ZNF469: variants seen among roughly 807,000 people sequenced by gnomAD.
The protein encoded by ZNF469 is zinc finger protein 469.
ZNF469 carries 1 observed loss-of-function variant against 1.0 expected under a neutral mutation model. The ratio of observed to expected loss-of-function variants is 1.00; its 90% confidence interval spans 0.35 to 4.73. ZNF469 has a LOEUF of 4.73. Ranked by LOEUF, ZNF469 falls within the 30% of genes most tolerant of loss-of-function variation. The pLI is 0.16. For missense variants in ZNF469, 6,100 were observed against 5,356.3 expected, an observed-to-expected ratio of 1.14 and a Z score of -4.33; for synonymous variants, 2,703 against 2,363.4, an observed-to-expected ratio of 1.14 and a Z score of -4.17.
the ZNF469 span, among the ~76,000 whole-genome samples, chr16:88,131,960 C>T: frequency 5.1e-4 from 78 of 152,372 alleles, no homozygotes; most frequent in Middle Eastern, 6.8e-3. Flanking sequence ...CTGCCCGGCC[C>T]GCGCATCTCC....
At chr16:88,234,279 C>G in the ZNF469 span, among the ~76,000 whole-genome samples, 1 of 152,208 alleles carries the variant, frequency 6.6e-6, no homozygotes, top group Non-Finnish European at 1.5e-5. Context: ...CTTGAGTGAG[C>G]TGAAGGATTT....
chr16:88,223,823 G>A, the ZNF469 span, among the ~76,000 whole-genome samples: 6 of 152,306 alleles, frequency 3.9e-5, no homozygotes, highest in South Asian at 2.1e-4. Flanking sequence ...CCTCTGGGCC[G>A]CCCGCCCCCT....
At chr16:88,258,292 T>C in the ZNF469 span, among the ~76,000 whole-genome samples, 1 of 152,186 alleles carries the variant, frequency 6.6e-6, no homozygotes, top group African/African-American at 2.4e-5. Context: ...AATTACTGTG[T>C]CACAGAGGAA....
chr16:88,344,233 A>G, the ZNF469 span, among the ~76,000 whole-genome samples: 2 of 136,348 alleles, frequency 1.5e-5, no homozygotes, highest in African/African-American at 2.7e-5. Context: ...GGGCAGAGAA[A>G]GGGCATGGGG....
At chr16:88,153,887 C>T in the ZNF469 span, among the ~76,000 whole-genome samples, 2 of 152,140 alleles carry the variant, frequency 1.3e-5, no homozygotes, top group African/African-American at 4.8e-5. Flanking sequence ...CCTCCTCTCC[C>T]TAGGGGGCAC....
chr16:88,223,625 C>A, the ZNF469 span, among the ~76,000 whole-genome samples: 4 of 152,276 alleles, frequency 2.6e-5, no homozygotes, highest in African/African-American at 9.6e-5. Flanking sequence ...GATGCCTCGA[C>A]CCTGGTGCCT....
the ZNF469 span, among the ~76,000 whole-genome samples, chr16:88,177,009 G>A: frequency 1.3e-5 from 2 of 152,258 alleles, no homozygotes; most frequent in Non-Finnish European, 2.9e-5. This position sits in a 1 kb window ranked among gnomAD's most constrained non-coding sequence, Gnocchi z 4.8. Flanking sequence ...GCTTTTCCCA[G>A]GTCATAGAAA....
chr16:88,280,233 C>T, the ZNF469 span, among the ~76,000 whole-genome samples: 1 of 150,984 alleles, frequency 6.6e-6, no homozygotes, highest in Non-Finnish European at 1.5e-5. Flanking sequence ...TACTGCACCA[C>T]CCTGACGCTC....
At chr16:88,170,128 T>G in the ZNF469 span, among the ~76,000 whole-genome samples, 4 of 152,214 alleles carry the variant, frequency 2.6e-5, no homozygotes, top group African/African-American at 9.6e-5. This position sits in a 1 kb window ranked among gnomAD's most constrained non-coding sequence, Gnocchi z 4.2. Flanking sequence ...TTCCTATCAC[T>G]GTGTTTCTTT....
chr16:88,286,518 A>C, the ZNF469 span, among the ~76,000 whole-genome samples: 1 of 152,242 alleles, frequency 6.6e-6, no homozygotes, highest in African/African-American at 2.4e-5. Flanking sequence ...CTGGCTGCTG[A>C]TCTGAGCCAC....
chr16:88,366,890 G>A, the ZNF469 span, among the ~76,000 whole-genome samples: 1 of 150,908 alleles, frequency 6.6e-6, no homozygotes, highest in Admixed American at 6.6e-5. Context: ...CATCATCACC[G>A]TCATCATCAC....
chr16:88,269,469 C>A, the ZNF469 span, among the ~76,000 whole-genome samples: 7 of 152,054 alleles, frequency 4.6e-5, no homozygotes, highest in African/African-American at 1.7e-4. Flanking sequence ...TTTTCTTTTT[C>A]TTTTCTTTTT....
upstream of ZNF469, among the ~76,000 whole-genome samples, chr16:88,380,675 GACATGCATTCACAC>G (rs1245641772): frequency 1.0e-5 from 1 of 98,122 alleles, no homozygotes; most frequent in Non-Finnish European, 2.0e-5. Flanking sequence ...CCTCACACAA[GACATGCATTCACAC>G]ACATGCACTC....
At chr16:88,364,404 T>A in the ZNF469 span, among the ~76,000 whole-genome samples, 2 of 150,912 alleles carry the variant, frequency 1.3e-5, no homozygotes, top group Non-Finnish European at 2.9e-5. Flanking sequence ...CCTTCCAGCA[T>A]GTTCTTCCTT....
At chr16:88,228,899 A>C in the ZNF469 span, among the ~76,000 whole-genome samples, 1 of 152,234 alleles carries the variant, frequency 6.6e-6, no homozygotes, top group East Asian at 1.9e-4. Flanking sequence ...GGGTCTGGTG[A>C]GGCAATGTGG....
chr16:88,249,417 C>CT, the ZNF469 span, among the ~76,000 whole-genome samples: 20 of 92,960 alleles, frequency 2.2e-4, no homozygotes, highest in Non-Finnish European at 2.8e-4. Context: ...CTTTTTCTTT[C>CT]TTTTTCTTTT....
At chr16:88,422,306 G>A (rs1028202784) in intron 1 of ZNF469, among the ~76,000 whole-genome samples, 35 of 22,856 alleles carry the variant, frequency 1.5e-3, no homozygotes, top group East Asian at 5.2e-3. Flanking sequence ...GGATGAGTGG[G>A]TGGATAGATG....
At position 88,427,843 on chromosome 16, in the gene ZNF469, G is replaced by A. The variant is rs1457566712; in HGVS notation, c.373G>A (p.Ala125Thr). 9.7e-6 allele frequency: 15 copies of A among 1,548,850 alleles called. No individual in the cohort carries two copies. Among genetic ancestry groups the A allele is most frequent in the Non-Finnish European group, 1.2e-5 (14 of 1,146,766 alleles). The change falls in exon 3 of 3, where the codon GCC becomes ACC. Residue 125 changes from alanine (A) to threonine (T), a missense_variant. Physicochemically the swap from Ala to Thr is moderately conservative, Grantham distance 58. Transcript: ENST00000565624. ...CCCACAGCGCTACATTCTGGGCATC[G>A]CCAGCTCGAGGACCAAGCCCACCCT... ...SPPQRYILGI[A>T]SSRTKPTLDE...
the ZNF469 span, among the ~76,000 whole-genome samples, chr16:88,283,262 T>G: frequency 6.6e-6 from 1 of 151,854 alleles, no homozygotes; most frequent in East Asian, 1.9e-4. Context: ...CAGAACCCAT[T>G]GACTTGTACG....
Sources: allele counts gnomAD v4.1 joint callset (sites outside exome capture counted in the v4.1 genomes callset), GRCh38; gene constraint gnomAD v4.1.1; non-coding constraint Gnocchi (gnomAD v3.1); transcripts MANE v1.5; gene names NCBI Gene and HGNC (gene_info 2026-07-23, HGNC 2026-07-21).